KCNQ5: variants seen among roughly 807,000 people sequenced by gnomAD.
KCNQ5 encodes potassium voltage-gated channel subfamily KQT member 5.
A neutral mutation model predicts 98.2 loss-of-function variants in KCNQ5; 30 were observed. The ratio of observed to expected loss-of-function variants is 0.31; its 90% CI spans 0.23 to 0.41. The LOEUF is 0.41. Ranked by LOEUF, KCNQ5 falls within the 10% of genes least tolerant of loss-of-function variation. The probability of loss-of-function intolerance (pLI) is 1.00; values close to 1 mark genes in which losing one functional copy is unlikely to be tolerated. For missense variants in KCNQ5, 835 were observed against 1,182.5 expected, an observed-to-expected ratio of 0.71 and a Z score of 4.31; for synonymous variants, 458 against 449.4, an observed-to-expected ratio of 1.02 and a Z score of -0.24.
At chr6:73,181,717 T>C (rs1170430464) in intron 11 of KCNQ5, among the ~76,000 whole-genome samples, 1 of 152,216 alleles carries the variant, frequency 6.6e-6, no homozygotes, top group East Asian at 1.9e-4. Flanking sequence ...AGTATGAAGA[T>C]CTTAATGTTA....
At chr6:72,731,546 T>C (rs929431106) in intron 1 of KCNQ5, among the ~76,000 whole-genome samples, 1 of 152,194 alleles carries the variant, frequency 6.6e-6, no homozygotes, top group Non-Finnish European at 1.5e-5. Flanking sequence ...GTTTAGTGTG[T>C]GATCTCCATC....
chr6:73,057,468 TTAAAG>T (rs911948103), intron 3 of KCNQ5, among the ~76,000 whole-genome samples: 39 of 151,360 alleles, frequency 2.6e-4, no homozygotes, highest in African/African-American at 6.1e-4. Context: ...ACCTTAGAAC[TTAAAG>T]TATAGTAAAA....
At chr6:72,964,822 G>A (rs997419191) in intron 1 of KCNQ5, among the ~76,000 whole-genome samples, 2 of 152,078 alleles carry the variant, frequency 1.3e-5, no homozygotes, top group Non-Finnish European at 2.9e-5. Context: ...CAACATTCGG[G>A]TTCTCAACTG....
At chr6:73,089,484 T>C (rs1044032400) in intron 5 of KCNQ5, among the ~76,000 whole-genome samples, 2 of 152,100 alleles carry the variant, frequency 1.3e-5, no homozygotes, top group Non-Finnish European at 2.9e-5. Flanking sequence ...TCACGGTGAG[T>C]TGTGAGATTT....
intron 1 of KCNQ5, among the ~76,000 whole-genome samples, chr6:72,983,687 G>A (rs1027453416): frequency 2.0e-5 from 3 of 152,304 alleles, no homozygotes; most frequent in African/African-American, 7.2e-5. Context: ...ACTTGTCAAA[G>A]TCATTCTCTG....
intron 1 of KCNQ5, among the ~76,000 whole-genome samples, chr6:72,715,751 T>A (rs760278021): frequency 6.6e-6 from 1 of 152,204 alleles, no homozygotes; most frequent in Non-Finnish European, 1.5e-5. Flanking sequence ...ATTTTAATGA[T>A]AATTAGAGAA....
chr6:73,025,623 CAAAAAAAAAAAAAAAA>C lies in KCNQ5; in HGVS notation c.490-16292_490-16277del, dbSNP rs58607159. Among the ~76,000 whole-genome samples, 450 of 52,986 alleles carry C rather than the reference CAAAAAAAAAAAAAAAA, an allele frequency of 8.5e-3. 11 individuals carry two copies. The highest frequency in any genetic ancestry group is 0.012 in the Non-Finnish European group (226 of 18,138). 34.8% of individuals were successfully genotyped at this position (52,986 alleles called of 152,430 possible). On this transcript the variant is annotated intron_variant, in intron 2 of 13. Coordinates refer to ENST00000370398, the MANE Select transcript of KCNQ5 (RefSeq NM_019842.4). ...GGGCGACAAGAGCAAAACTCCATCT[CAAAAAAAAAAAAAAAA>C]AAAAAAAAAAAAAAAAAAAATTCAA...
intron 10 of KCNQ5, among the ~76,000 whole-genome samples, chr6:73,156,987 G>C (rs975691063): frequency 1.3e-5 from 2 of 152,194 alleles, no homozygotes; most frequent in African/African-American, 4.8e-5. Context: ...GGGGCTGGGG[G>C]CTCGGGCCTC....
At chr6:72,735,533 A>G (rs1210465945) in intron 1 of KCNQ5, among the ~76,000 whole-genome samples, 2 of 152,136 alleles carry the variant, frequency 1.3e-5, no homozygotes, top group African/African-American at 4.8e-5. Context: ...GTGTCTTTAA[A>G]CTATCTTCAT....
chr6:73,157,714 C>G (rs2150489197), intron 10 of KCNQ5: 2 of 776,732 alleles, frequency 2.6e-6, no homozygotes, highest in Non-Finnish European at 4.8e-6. Flanking sequence ...CAGAGCAGCC[C>G]CCATCAGGTC....
chr6:72,674,006 C>T (rs563744522), intron 1 of KCNQ5, among the ~76,000 whole-genome samples: 20 of 152,054 alleles, frequency 1.3e-4, no homozygotes, highest in South Asian at 1.2e-3. Flanking sequence ...TAGTATAATA[C>T]GTTACTCTAA....
At chr6:72,940,854 A>G (rs1302064476) in intron 1 of KCNQ5, among the ~76,000 whole-genome samples, 1 of 152,208 alleles carries the variant, frequency 6.6e-6, no homozygotes, top group East Asian at 1.9e-4. Context: ...TAAATAAGGT[A>G]ATACATGCAA....
intron 1 of KCNQ5, among the ~76,000 whole-genome samples, chr6:72,848,543 G>T (rs1165430642): frequency 6.6e-6 from 1 of 152,142 alleles, no homozygotes; most frequent in Non-Finnish European, 1.5e-5. Flanking sequence ...AAGAGAGGGG[G>T]ACCCTGACCT....
intron 11 of KCNQ5, among the ~76,000 whole-genome samples, chr6:73,179,613 G>A (rs1301419134): frequency 6.6e-6 from 1 of 152,130 alleles, no homozygotes; most frequent in Non-Finnish European, 1.5e-5. Flanking sequence ...CCAACATAAA[G>A]TGAGGGGTTA....
intron 1 of KCNQ5, among the ~76,000 whole-genome samples, chr6:72,906,172 A>G (rs1779691975): frequency 6.6e-6 from 1 of 152,088 alleles, no homozygotes; most frequent in Non-Finnish European, 1.5e-5. Context: ...TTGTCAGGGA[A>G]GTGGGGGAAA....
chr6:72,796,079 CTAAA>C (rs763015642), intron 1 of KCNQ5, among the ~76,000 whole-genome samples: 8 of 152,006 alleles, frequency 5.3e-5, no homozygotes, highest in Non-Finnish European at 1.2e-4. Flanking sequence ...ATAGCTCACA[CTAAA>C]TAGAGAAGTA....
intron 1 of KCNQ5, among the ~76,000 whole-genome samples, chr6:72,800,662 T>A (rs9351944): frequency 0.57 from 86,553 of 151,890 alleles, 24,644 homozygotes; most frequent in Middle Eastern, 0.65. Context: ...CCTTGCCTCC[T>A]GCTAGCTTTT....
chr6:73,102,349 A>G (rs1774818439), intron 5 of KCNQ5, among the ~76,000 whole-genome samples: 1 of 152,196 alleles, frequency 6.6e-6, no homozygotes, highest in Non-Finnish European at 1.5e-5. Context: ...CGTGAGTAAT[A>G]TCCCACAAGC....
At chr6:72,910,605 TGG>T (rs374866602) in intron 1 of KCNQ5, among the ~76,000 whole-genome samples, 27,841 of 135,366 alleles carry the variant, frequency 0.21, 2,599 homozygotes, top group Admixed American at 0.24. Context: ...TGTGTGTGTG[TGG>T]CTGATAAATT....
Sources: gnomAD v4.1 joint callset for allele counts (sites outside exome capture counted in the v4.1 genomes callset) on GRCh38, gnomAD v4.1.1 for gene constraint, MANE v1.5 for transcripts, NCBI Gene and HGNC (gene_info 2026-07-23, HGNC 2026-07-21) for gene names.